The following PCDHGB4 variants were observed in gnomAD, a reference collection of about 807,000 sequenced individuals.
PCDHGB4 encodes the protein protocadherin gamma subfamily B, 4.
Under a neutral mutation model 60.5 loss-of-function variants are expected in PCDHGB4, and 38 were observed. The observed-to-expected ratio is 0.63, with a 90% CI of 0.48 to 0.82. The LOEUF (loss-of-function observed/expected upper bound fraction) is 0.82. PCDHGB4 is among the 40% of genes least tolerant of loss of function. The pLI is 0.00. For missense variants in PCDHGB4, 1,109 were observed against 1,209.6 expected, an observed-to-expected ratio of 0.92 and a Z score of 1.23; for synonymous variants, 456 against 509.7, an observed-to-expected ratio of 0.89 and a Z score of 1.42.
At chr5:141,506,076 T>C (rs2154593839) in intron 3 of PCDHGB4, among the ~76,000 whole-genome samples, 1 of 152,244 alleles carries the variant, frequency 6.6e-6, no homozygotes, top group South Asian at 2.1e-4. Flanking sequence ...TCCTTTGTAA[T>C]AGAGATTCGG....
intron 1 of PCDHGB4, chr5:141,408,622 A>C (rs1481022505): frequency 6.2e-7 from 1 of 1,614,070 alleles, no homozygotes; most frequent in Admixed American, 1.7e-5. Flanking sequence ...AAATACATTT[A>C]GAAATTTTCG....
At chr5:141,410,469 T>C in intron 1 of PCDHGB4, 1 of 1,614,026 alleles carries the variant, frequency 6.2e-7, no homozygotes, top group Non-Finnish European at 8.5e-7. Context: ...AATCTGTGCA[T>C]TGCACATACG....
intron 1 of PCDHGB4, among the ~76,000 whole-genome samples, chr5:141,457,920 C>T (rs1340816332): frequency 6.6e-6 from 1 of 150,868 alleles, no homozygotes; most frequent in Non-Finnish European, 1.5e-5. Flanking sequence ...GCCAGTTCTC[C>T]CCAAGGGGCT....
intron 1 of PCDHGB4, among the ~76,000 whole-genome samples, chr5:141,445,784 G>A (rs2098477494): frequency 6.6e-6 from 1 of 152,168 alleles, no homozygotes; most frequent in Non-Finnish European, 1.5e-5. Flanking sequence ...GGGCTAGGGA[G>A]GCTAGAAACA....
intron 1 of PCDHGB4, chr5:141,414,088 A>T: frequency 6.3e-7 from 1 of 1,599,384 alleles, no homozygotes; most frequent in African/African-American, 1.3e-5. Context: ...TACTGGAGAA[A>T]TAAAAATATC....
In PCDHGB4 at chr5:141,511,367, G is replaced by A. The variant is rs563286583; in HGVS notation, c.*194G>A. ...CCTTCCCCCCCAGGGGGTTGAATAT[G>A]CAAAAGCAGTTCCGCTGGGAACCCC... On this transcript the variant is annotated 3_prime_UTR_variant, in exon 4 of 4. Coordinates refer to ENST00000519479, the MANE Select transcript of PCDHGB4 (RefSeq NM_003736.4). 2.3e-6 allele frequency: 3 copies of A among 1,299,952 alleles called. No individual in the cohort carries two copies. Among genetic ancestry groups the A allele is most frequent in the Non-Finnish European group, 3.1e-6 (3 of 967,442 alleles). 80.5% of individuals were successfully genotyped at this position (1,299,952 alleles called of 1,614,324 possible).
rs866752085 is a variant in PCDHGB4, at chr5:141,424,634, A to G, written c.2397+34353A>G. ...AATAGAGTAGTTTGTGAATATATAA[A>G]TAGATTGAAGGTATTTGGACTTTAA... On this transcript the variant is annotated intron_variant, in intron 1 of 3. Coordinates refer to ENST00000519479, the MANE Select transcript of PCDHGB4 (RefSeq NM_003736.4). 6 of 152,338 alleles carry G rather than the reference A, an allele frequency of 3.9e-5. No individual in the cohort carries two copies. The South Asian group carries it at 1.2e-3, about 32-fold the overall frequency. 9.4% of individuals were successfully genotyped at this position (152,338 alleles called of 1,614,324 possible).
rs1554175372 is a variant in PCDHGB4, at chr5:141,490,827, G to A, written c.2398-3980G>A. ...CCTTTGACTATGAATTGCTGCAGAT[G>A]CTGCAGATTGTGGTGGGGGTTCGAG... On this transcript the variant is annotated intron_variant, in intron 1 of 3. Transcript: ENST00000519479. This position sits in a 1 kb window ranked among gnomAD's most constrained non-coding sequence, Gnocchi z 5.4. 1 of 1,613,744 alleles carries A rather than the reference G, an allele frequency of 6.2e-7. No individual in the cohort carries two copies. Among genetic ancestry groups the A allele is most frequent in the Non-Finnish European group, 8.5e-7 (1 of 1,179,828 alleles).
At chr5:141,399,350 G>T (rs746925566) in intron 1 of PCDHGB4, 2 of 1,613,964 alleles carry the variant, frequency 1.2e-6, no homozygotes, top group East Asian at 2.2e-5. Flanking sequence ...ACCCTAGACC[G>T]AGAGCAAACC....
intron 1 of PCDHGB4, among the ~76,000 whole-genome samples, chr5:141,465,279 C>T (rs975247599): frequency 3.3e-5 from 5 of 152,028 alleles, no homozygotes; most frequent in South Asian, 2.1e-4. Flanking sequence ...TTTAGTTCAC[C>T]CCTAAAGAAC....
rs374134053 is a variant in PCDHGB4, at chr5:141,389,297, A to T, written c.1413A>T (p.Gln471His). ...ENNPPGASIS[Q>H]VRASDPDLGP... ...ACCCGCCTGGAGCCTCTATTTCACA[A>T]GTCAGGGCTTCTGATCCGGACTTGG... Residue 471 changes from glutamine (Q) to histidine (H), a missense_variant, in exon 1 of 4, where the codon CAA (glutamine) becomes CAT (histidine). Physicochemically the swap from Gln to His is conservative, Grantham distance 24. Coordinates refer to ENST00000519479, the MANE Select transcript of PCDHGB4 (RefSeq NM_003736.4). 6.2e-6 allele frequency: 10 copies of T among 1,613,860 alleles called. No individual in the cohort carries two copies. In the African/African-American group the frequency reaches 1.3e-4, roughly 22 times the overall value.
Position 141,417,739 on chromosome 5 carries a change from C to G in PCDHGB4, c.2397+27458C>G, listed in dbSNP as rs1002260902. On this transcript the variant is annotated intron_variant, in intron 1 of 3. Transcript: ENST00000519479. The stretch of plus-strand genomic sequence containing the variant: ...GGCTGCGCAGACCTTGCCCAGCACA[C>G]CAGATTGCCAGCTCCGAGACCCGGG... 1.6e-5 allele frequency: 22 copies of G among 1,411,706 alleles called. No homozygotes were observed. In the African/African-American group the frequency reaches 1.7e-4, roughly 11 times the overall value. The allele number at this position is 1,411,706 out of a possible 1,614,324, so 87.4% of individuals were successfully genotyped here.
chr5:141,402,882 G>C, intron 1 of PCDHGB4: 2 of 1,479,680 alleles, frequency 1.4e-6, no homozygotes, highest in East Asian at 4.8e-5. Context: ...TACTTTGCAG[G>C]GTGGAAGAAA....
intron 1 of PCDHGB4, chr5:141,422,576 CTCCCGTTTT>C: frequency 6.2e-7 from 1 of 1,614,034 alleles, no homozygotes; most frequent in African/African-American, 1.3e-5. Context: ...AACGATAACC[CTCCCGTTTT>C]TCCTCACTCC....
rs144222319 is a variant in PCDHGB4, at chr5:141,505,519, C to T, written c.2545+38C>T. ...AGTGTGTGTATGGAAGAGTGGGAGACCTGGGGTTCTGGGGTGCATCTCACA... is the reference window on the plus strand; with the variant it reads ...AGTGTGTGTATGGAAGAGTGGGAGATCTGGGGTTCTGGGGTGCATCTCACA... On this transcript the variant is annotated intron_variant, in intron 3 of 3. Coordinates refer to ENST00000519479, the MANE Select transcript of PCDHGB4 (RefSeq NM_003736.4). The T allele has an allele frequency of 1.5e-3, 2,491 of 1,613,690 alleles. 3 individuals carry two copies. The highest frequency in any genetic ancestry group is 2.6e-3 in the Middle Eastern group (16 of 6,060).
In PCDHGB4 at chr5:141,476,585, G is replaced by C; in HGVS notation, c.2398-18222G>C. 6.2e-7 allele frequency: 1 copy of C among 1,614,214 alleles called. No homozygotes were observed. The highest frequency in any genetic ancestry group is 8.5e-7 in the Non-Finnish European group (1 of 1,180,040). On this transcript the variant is annotated intron_variant, in intron 1 of 3. Coordinates refer to ENST00000519479, the MANE Select transcript of PCDHGB4 (RefSeq NM_003736.4). The surrounding 1 kb of genome is among the most constrained non-coding windows in gnomAD (Gnocchi z 7.6). ...GGCTCCGGGGACGCGCTTTCCGCTC[G>C]AGAGCGCGCACGATCCCGATGTGGG...
chr5:141,399,320 A>G, intron 1 of PCDHGB4: 3 of 1,614,010 alleles, frequency 1.9e-6, no homozygotes, highest in Non-Finnish European at 2.5e-6. Context: ...AAAAATTCGT[A>G]TAAGTTGGTA....
intron 1 of PCDHGB4, chr5:141,409,185 C>G (rs765063807): frequency 6.2e-7 from 1 of 1,614,024 alleles, no homozygotes; most frequent in South Asian, 1.1e-5. Flanking sequence ...GGTGGTCTCT[C>G]TACCCAGTGT....
chr5:141,415,419 C>T (rs2095868053), intron 1 of PCDHGB4: 1 of 1,614,196 alleles, frequency 6.2e-7, no homozygotes, highest in Non-Finnish European at 8.5e-7. Context: ...TGGGCGTGGA[C>T]GGGGTTCGGG....
Sources: allele counts gnomAD v4.1 joint callset (sites outside exome capture counted in the v4.1 genomes callset), GRCh38; gene constraint gnomAD v4.1.1; non-coding constraint Gnocchi (gnomAD v3.1); transcripts MANE v1.5; gene names NCBI Gene and HGNC (gene_info 2026-07-23, HGNC 2026-07-21).